C6: variants seen among roughly 807,000 people sequenced by gnomAD.
C6 encodes the protein complement component C6.
C6 carries 101 observed loss-of-function variants against 112.9 expected under a neutral mutation model. That is an observed-to-expected ratio of 0.89 (90% CI 0.76 to 1.06). The LOEUF (loss-of-function observed/expected upper bound fraction) is 1.06. Among genes scored for constraint, C6 ranks in the 50% least tolerant of loss-of-function variants. The pLI is 0.00. For synonymous variants in C6, 431 were observed against 384.1 expected (o/e 1.12, Z -1.43); for missense variants, 1,202 against 1,104.6 (o/e 1.09, Z -1.25).
intron 1 of C6, among the ~76,000 whole-genome samples, chr5:41,247,761 A>G (rs1458099121): frequency 6.6e-6 from 1 of 152,030 alleles, no homozygotes; most frequent in African/African-American, 2.4e-5. Context: ...AAGAAAGTGA[A>G]AGATCTCTAC....
At chr5:41,168,392 G>A (rs1748151419) in intron 9 of C6, among the ~76,000 whole-genome samples, 1 of 152,088 alleles carries the variant, frequency 6.6e-6, no homozygotes, top group South Asian at 2.1e-4. Context: ...TTGATTTGCT[G>A]GAGGGTCAAA....
intron 5 of C6, 195 bp from the exon 6 acceptor site, chr5:41,186,403 G>A (rs1217767056): frequency 4.0e-5 from 24 of 600,226 alleles, no homozygotes; most frequent in Non-Finnish European, 8.8e-6. Flanking sequence ...CCCAAACTCA[G>A]CTTCTCTGGC....
chr5:41,260,144 A>T (rs1030668172), intron 1 of C6, among the ~76,000 whole-genome samples: 14 of 152,128 alleles, frequency 9.2e-5, no homozygotes, highest in African/African-American at 3.4e-4. Context: ...AGTAATTCAG[A>T]TGAATATTTT....
At chr5:41,222,947 C>G (rs570531777) in intron 1 of C6, among the ~76,000 whole-genome samples, 12 of 152,284 alleles carry the variant, frequency 7.9e-5, no homozygotes, top group African/African-American at 2.9e-4. Context: ...TAACCAGAAA[C>G]TTTCCCTATC....
chr5:41,180,498 T>C (rs1256816505), intron 7 of C6, among the ~76,000 whole-genome samples: 1 of 152,114 alleles, frequency 6.6e-6, no homozygotes, highest in Admixed American at 6.6e-5. Flanking sequence ...AAGGAACACA[T>C]GAAGCTGTAG....
chr5:41,201,445 A>T, intron 3 of C6, 113 bp downstream of exon 3: 1 of 1,049,352 alleles, frequency 9.5e-7, no homozygotes, highest in Non-Finnish European at 1.5e-6. Flanking sequence ...AAGCTGAGAC[A>T]GTTGATTTTC....
At chr5:41,167,051 T>A (rs1463609178) in intron 9 of C6, among the ~76,000 whole-genome samples, 5 of 152,100 alleles carry the variant, frequency 3.3e-5, no homozygotes, top group African/African-American at 4.8e-5. Context: ...TTAATTTTTT[T>A]ATGTGTTTTT....
intron 6 of C6, among the ~76,000 whole-genome samples, chr5:41,182,364 G>A (rs952687091): frequency 2.4e-4 from 36 of 151,052 alleles, no homozygotes; most frequent in Non-Finnish European, 1.3e-4. Context: ...TCAGTAGAAC[G>A]TACAGTATGA....
intron 12 of C6, 144 bp downstream of exon 12, chr5:41,158,938 C>T: frequency 8.7e-7 from 1 of 1,148,638 alleles, no homozygotes; most frequent in Non-Finnish European, 1.3e-6. Flanking sequence ...GCAGTAGACC[C>T]AGTGGCTCAT....
chr5:41,150,660 A>C (rs1746300708), intron 15 of C6, among the ~76,000 whole-genome samples: 1 of 152,064 alleles, frequency 6.6e-6, no homozygotes, highest in Non-Finnish European at 1.5e-5. Context: ...AGGCTGAGGC[A>C]GGCAGATCAC....
At chr5:41,228,324 T>C (rs1404904278) in intron 1 of C6, among the ~76,000 whole-genome samples, 2 of 152,170 alleles carry the variant, frequency 1.3e-5, no homozygotes, top group Non-Finnish European at 2.9e-5. Flanking sequence ...CCTGCCACTT[T>C]ACCAAATTTG....
intron 8 of C6, 149 bp from the exon 9 acceptor site, chr5:41,172,496 G>A: frequency 1.3e-6 from 1 of 789,190 alleles, no homozygotes; most frequent in Non-Finnish European, 2.1e-6. Flanking sequence ...GACAGCTCAA[G>A]TTAGTTTTAC....
Position 41,161,807 on chromosome 5 carries a change from C to T in C6, c.1344G>A (p.Arg448=), listed in dbSNP as rs796900394. Residue 448 remains arginine, a synonymous_variant, in exon 10 of 18, where the codon AGG becomes AGA. Coordinates refer to ENST00000337836, the MANE Select transcript of C6 (RefSeq NM_000065.5). ...EKSISLIRGG[R]SEYGAALAWE... ...ATGCCAAAGCTGCTCCATATTCACT[C>T]CTTCCACCTCGAATCAGGGATATGG... The T allele has an allele frequency of 4.3e-6, 7 of 1,613,676 alleles. No homozygotes were observed. The African/African-American group carries it at 8.0e-5, about 18-fold the overall frequency.
chr5:41,249,601 G>A (rs1328585265), intron 1 of C6, among the ~76,000 whole-genome samples: 1 of 152,160 alleles, frequency 6.6e-6, no homozygotes, highest in Non-Finnish European at 1.5e-5. Flanking sequence ...TTAGGGATTA[G>A]CCAGATGTGT....
Position 41,210,993 on chromosome 5 carries a change from T to C in C6, c.-21+2383A>G, listed in dbSNP as rs369141663. On this transcript the variant is annotated intron_variant, in intron 1 of 17. Transcript: ENST00000337836. ...CAAAAACTTGGAACCAACCCAAATG[T>C]CCATCAATGATAGACTGGATTAAGA... Among the ~76,000 whole-genome samples the C allele has an allele frequency of 5.5e-4, 84 of 152,260 alleles. 1 individual carries two copies. The South Asian group carries it at 0.013, about 24-fold the overall frequency.
chr5:41,177,234 C>T (rs987621221), intron 7 of C6, among the ~76,000 whole-genome samples: 1 of 152,150 alleles, frequency 6.6e-6, no homozygotes, highest in Non-Finnish European at 1.5e-5. Context: ...CCTGGTAACA[C>T]TTCACATCTC....
chr5:41,211,175 G>A (rs368079178), intron 1 of C6, among the ~76,000 whole-genome samples: 10 of 152,170 alleles, frequency 6.6e-5, no homozygotes, highest in African/African-American at 2.2e-4. Flanking sequence ...CTTATAGGTG[G>A]GAATTGAACA....
chr5:41,209,015 T>C (rs1751674418), intron 1 of C6, among the ~76,000 whole-genome samples: 1 of 152,184 alleles, frequency 6.6e-6, no homozygotes, highest in African/African-American at 2.4e-5. Context: ...TCAAAAAGCT[T>C]ATCCACCACA....
chr5:41,219,362 G>A (rs1225372786), intron 1 of C6, among the ~76,000 whole-genome samples: 4 of 152,106 alleles, frequency 2.6e-5, no homozygotes, highest in African/African-American at 9.7e-5. Flanking sequence ...AGAAAGAAAG[G>A]CCATTCTGTG....
Sources: allele counts gnomAD v4.1 joint callset (sites outside exome capture counted in the v4.1 genomes callset), GRCh38; gene constraint gnomAD v4.1.1; transcripts MANE v1.5; gene names NCBI Gene and HGNC (gene_info 2026-07-23, HGNC 2026-07-21).